C12orf75: variants seen among roughly 807,000 people sequenced by gnomAD.
The protein encoded by C12orf75 is overexpressed in colon carcinoma 1 protein.
Under a neutral mutation model 11.4 loss-of-function variants are expected in C12orf75, and 4 were observed. The ratio of observed to expected loss-of-function variants is 0.35; its 90% CI spans 0.17 to 0.80. C12orf75 has a LOEUF of 0.80. C12orf75 is among the 30% of genes least tolerant of loss of function. The pLI, the probability that C12orf75 is intolerant of heterozygous loss-of-function variation, is 0.52. For missense variants in C12orf75, 89 were observed against 80.4 expected (o/e 1.11, Z -0.41); for synonymous variants, 30 against 30.0 (o/e 1.00, Z 0.00).
chr12:105,350,097 C>T (rs1484453650), intron 2 of C12orf75, among the ~76,000 whole-genome samples: 2 of 152,166 alleles, frequency 1.3e-5, no homozygotes. Context: ...GAATACTGCA[C>T]CCTGACCGTA....
intron 2 of C12orf75, among the ~76,000 whole-genome samples, chr12:105,361,478 G>T (rs1011513106): frequency 5.3e-5 from 8 of 152,204 alleles, no homozygotes; most frequent in South Asian, 2.1e-4. Context: ...TCCCAGTTTT[G>T]AACAGCCACT....
intron 1 of C12orf75, among the ~76,000 whole-genome samples, chr12:105,337,051 C>T (rs1013980673): frequency 3.9e-5 from 6 of 152,152 alleles, no homozygotes; most frequent in Non-Finnish European, 2.9e-5. Context: ...GGGCCGGGCA[C>T]GGTGGCTCAC....
chr12:105,362,774 A>C (rs965859201), intron 2 of C12orf75, among the ~76,000 whole-genome samples: 8 of 152,210 alleles, frequency 5.3e-5, no homozygotes, highest in Non-Finnish European at 5.9e-5. Flanking sequence ...TTAGGATCAC[A>C]CAAATCTGGG....
chr12:105,356,758 C>T (rs1014769271), intron 2 of C12orf75, among the ~76,000 whole-genome samples: 1 of 151,856 alleles, frequency 6.6e-6, no homozygotes, highest in Non-Finnish European at 1.5e-5. Context: ...TTTATACAAC[C>T]CAGAAACTAA....
chr12:105,363,605 A>T (rs1892904022), intron 2 of C12orf75, among the ~76,000 whole-genome samples: 1 of 152,038 alleles, frequency 6.6e-6, no homozygotes, highest in Admixed American at 6.6e-5. Context: ...CGGGCCTGGA[A>T]TCCCAGCTAC....
intron 1 of C12orf75, 30 bp downstream of exon 1, chr12:105,330,967 G>A (rs1566133925): frequency 1.7e-6 from 2 of 1,188,972 alleles, no homozygotes; most frequent in Non-Finnish European, 2.1e-6. Flanking sequence ...GGGGCCGGCG[G>A]GGGCGGGCGG....
Position 105,366,611 on chromosome 12 carries a change from A to C in C12orf75, c.108-6A>C. 3 of 1,486,646 alleles carry C rather than the reference A, an allele frequency of 2.0e-6. No individual in the cohort carries two copies. Among genetic ancestry groups the C allele is most frequent in the Non-Finnish European group, 2.8e-6 (3 of 1,090,542 alleles). The allele number at this position is 1,486,646 out of a possible 1,614,324, so 92.1% of individuals were successfully genotyped here. On this transcript the variant is annotated splice_region_variant and splice_polypyrimidine_tract_variant and intron_variant, in intron 3 of 5. Transcript: ENST00000443585. ...ATTTAAATTGGTTTGATTTCTTTTT[A>C]TCAAGAAACTATGGAGGAGTATATG...
intron 2 of C12orf75, among the ~76,000 whole-genome samples, chr12:105,349,831 C>T (rs964124652): frequency 1.3e-5 from 2 of 151,190 alleles, no homozygotes; most frequent in South Asian, 4.2e-4. Flanking sequence ...GAGCCGAGAT[C>T]ACACCACTGC....
At chr12:105,358,501 A>G (rs988707266) in intron 2 of C12orf75, among the ~76,000 whole-genome samples, 6 of 152,224 alleles carry the variant, frequency 3.9e-5, no homozygotes, top group Non-Finnish European at 5.9e-5. Context: ...AGCCTAGGCT[A>G]TGGAGCAAGA....
At chr12:105,357,776 T>TTGTGTGTGTGTGTGTG (rs1892802288) in intron 2 of C12orf75, among the ~76,000 whole-genome samples, 3 of 76,950 alleles carry the variant, frequency 3.9e-5, no homozygotes, top group Non-Finnish European at 6.1e-5. Context: ...CCAATGTATT[T>TTGTGTGTGTGTGTGTG]TCTGTGTGTG....
chr12:105,369,365 CCTCT>C (rs1395022724), intron 5 of C12orf75, among the ~76,000 whole-genome samples: 2 of 151,982 alleles, frequency 1.3e-5, no homozygotes, highest in South Asian at 2.1e-4. Flanking sequence ...TTATTGCACC[CCTCT>C]CTCTCCTCAA....
At chr12:105,351,769 G>A (rs1235580378) in intron 2 of C12orf75, among the ~76,000 whole-genome samples, 1 of 152,206 alleles carries the variant, frequency 6.6e-6, no homozygotes, top group African/African-American at 2.4e-5. Flanking sequence ...CTGTGGTACA[G>A]TCTGGGCAGA....
At chr12:105,360,838 C>T (rs12422892) in intron 2 of C12orf75, among the ~76,000 whole-genome samples, 9,303 of 151,906 alleles carry the variant, frequency 0.061, 356 homozygotes, top group African/African-American at 0.093. Context: ...TGCAATGGCG[C>T]GATCTCGGCT....
intron 2 of C12orf75, chr12:105,353,499 C>T (rs1592881469): frequency 6.6e-6 from 1 of 152,092 alleles, no homozygotes; most frequent in African/African-American, 2.4e-5. Flanking sequence ...ATCATCAGCC[C>T]CACCTTACCA....
intron 3 of C12orf75, 106 bp from the exon 4 acceptor site, chr12:105,366,511 A>C (rs958213084): frequency 4.1e-6 from 2 of 483,558 alleles, no homozygotes; most frequent in South Asian, 1.0e-4. Flanking sequence ...TTGAAAAATC[A>C]TGAGTTATTT....
intron 2 of C12orf75, among the ~76,000 whole-genome samples, chr12:105,364,522 G>A (rs1871407269): frequency 6.6e-6 from 1 of 152,172 alleles, no homozygotes; most frequent in Non-Finnish European, 1.5e-5. Context: ...CTTACTGGCT[G>A]TTGCAATAAA....
At chr12:105,332,885 T>C (rs1892452648) in intron 1 of C12orf75, among the ~76,000 whole-genome samples, 1 of 151,924 alleles carries the variant, frequency 6.6e-6, no homozygotes. Flanking sequence ...TGATTGACTT[T>C]TTCCCTAGGA....
chr12:105,356,036 A>G (rs770004222), intron 2 of C12orf75, among the ~76,000 whole-genome samples: 18 of 152,226 alleles, frequency 1.2e-4, no homozygotes, highest in Non-Finnish European at 2.4e-4. Context: ...TCATCCAGGG[A>G]GAGAGATCAA....
rs1314924130 is a variant in C12orf75 at position 105,330,937 on chromosome 12, G to C, written c.46G>C (p.Gly16Arg). The change falls in exon 1 of 6, where the codon GGC (glycine) becomes CGC (arginine). Residue 16 changes from glycine (G) to arginine (R), a missense_variant and splice_region_variant. Gly to Arg is a moderately radical substitution (Grantham distance 125). Transcript: ENST00000443585. The stretch of plus-strand genomic sequence containing the variant: ...CGCCACCAGCGCGGGCGCGGGCCAA[G>C]GTGAGTCCGGCGGGAGGCGGGGGCC... ...STATSAGAGQ[G>R]PAGAAKDVTE... 23 of 1,235,838 alleles carry C rather than the reference G, an allele frequency of 1.9e-5. No homozygotes were observed. The highest frequency in any genetic ancestry group is 2.0e-5 in the Non-Finnish European group (20 of 990,968). The allele number at this position is 1,235,838 out of a possible 1,614,324, so 76.6% of individuals were successfully genotyped here. A position where few individuals can be genotyped will look rare whatever the true frequency, so the allele number is the denominator to read the frequency against.
Sources: gnomAD v4.1 joint callset for allele counts (sites outside exome capture counted in the v4.1 genomes callset) on GRCh38, gnomAD v4.1.1 for gene constraint, MANE v1.5 for transcripts, NCBI Gene and HGNC (gene_info 2026-07-23, HGNC 2026-07-21) for gene names.